The following GRIK2 variants were observed in gnomAD, a reference collection of about 807,000 sequenced individuals.
GRIK2 encodes the protein glutamate receptor ionotropic, kainate 2.
In GRIK2, 32 loss-of-function variants were observed where a neutral mutation model predicts 100.3. The ratio of observed to expected loss-of-function variants is 0.32; its 90% CI spans 0.24 to 0.43. The LOEUF (loss-of-function observed/expected upper bound fraction) is 0.43. Among genes scored for constraint, GRIK2 ranks in the 20% least tolerant of loss-of-function variants. The probability of loss-of-function intolerance (pLI) is 1.00; values close to 1 mark genes in which losing one functional copy is unlikely to be tolerated. For missense variants in GRIK2, 843 were observed against 1,114.9 expected, an observed-to-expected ratio of 0.76 and a Z score of 3.47; for synonymous variants, 417 against 389.4, an observed-to-expected ratio of 1.07 and a Z score of -0.83.
intron 4 of GRIK2, among the ~76,000 whole-genome samples, chr6:101,642,746 T>C (rs1373714765): frequency 6.6e-6 from 1 of 151,742 alleles, no homozygotes; most frequent in East Asian, 1.9e-4. Context: ...CTTTTCAGTA[T>C]ATACCCAGAT....
rs138226691 is a variant in GRIK2, at chr6:101,945,434, C to T, written c.2085+16802C>T. The stretch of plus-strand genomic sequence containing the variant: ...TTCTCCATTCTAACAGAGGGCAATG[C>T]CATCAATGCTGTTGCTCACCTCTCA... On this transcript the variant is annotated intron_variant, in intron 14 of 16. Coordinates refer to ENST00000369134, the MANE Select transcript of GRIK2 (RefSeq NM_021956.5). Among the ~76,000 whole-genome samples the T allele has an allele frequency of 5.3e-5, 8 of 152,218 alleles. No homozygotes were observed. In the East Asian group the frequency reaches 7.7e-4, roughly 15 times the overall value.
At chr6:101,740,830 A>C (rs536194244) in intron 7 of GRIK2, among the ~76,000 whole-genome samples, 1 of 152,254 alleles carries the variant, frequency 6.6e-6, no homozygotes, top group Non-Finnish European at 1.5e-5. Context: ...CTGTTAACTA[A>C]TAGAGCAAGA....
In GRIK2 at chr6:101,519,070, A is replaced by G. The variant is rs936047751; in HGVS notation, c.116-102879A>G. 3.9e-5 allele frequency among the ~76,000 whole-genome samples: 6 copies of G among 152,198 alleles called. No individual in the cohort carries two copies. In the South Asian group the frequency reaches 1.0e-3, roughly 26 times the overall value. Reference sequence around the variant, plus strand: ...CTTCTAGAATTTACTCTTGTTCAAAAGATTTTAATGGCTAAGCCTTGCCTC... The same window carrying G: ...CTTCTAGAATTTACTCTTGTTCAAAGGATTTTAATGGCTAAGCCTTGCCTC... On this transcript the variant is annotated intron_variant, in intron 2 of 16. Coordinates refer to ENST00000369134, the MANE Select transcript of GRIK2 (RefSeq NM_021956.5).
At chr6:102,039,876 T>G (rs1770475524) in intron 15 of GRIK2, among the ~76,000 whole-genome samples, 1 of 151,540 alleles carries the variant, frequency 6.6e-6, no homozygotes, top group Non-Finnish European at 1.5e-5. Flanking sequence ...AATGAGTTAG[T>G]GTCCTCTTTC....
intron 2 of GRIK2, among the ~76,000 whole-genome samples, chr6:101,410,690 A>T (rs2128237869): frequency 1.3e-5 from 2 of 152,250 alleles, no homozygotes; most frequent in African/African-American, 4.8e-5. Context: ...AAATTAAAAA[A>T]TTTTAAACTT....
chr6:101,701,989 A>C (rs999874676), intron 7 of GRIK2, among the ~76,000 whole-genome samples: 1 of 152,074 alleles, frequency 6.6e-6, no homozygotes, highest in Non-Finnish European at 1.5e-5. Flanking sequence ...TGACATCCAC[A>C]GAAGTGAGAA....
At chr6:101,947,277 G>T (rs1179311284) in intron 14 of GRIK2, among the ~76,000 whole-genome samples, 4 of 152,060 alleles carry the variant, frequency 2.6e-5, no homozygotes, top group African/African-American at 9.6e-5. Flanking sequence ...TTTTTAGTGT[G>T]AATTATAGAG....
At chr6:101,797,728 A>G (rs1427814856) in intron 7 of GRIK2, among the ~76,000 whole-genome samples, 2 of 146,880 alleles carry the variant, frequency 1.4e-5, no homozygotes, top group Non-Finnish European at 3.0e-5. Flanking sequence ...TATATTATAT[A>G]TAAAATAATG....
intron 14 of GRIK2, among the ~76,000 whole-genome samples, chr6:101,988,682 A>G (rs1324193009): frequency 1.3e-5 from 2 of 151,912 alleles, no homozygotes; most frequent in Non-Finnish European, 2.9e-5. Flanking sequence ...CTGGCTTGAA[A>G]AAGATTGATC....
intron 2 of GRIK2, among the ~76,000 whole-genome samples, chr6:101,432,464 T>C (rs770536269): frequency 6.6e-6 from 1 of 152,148 alleles, no homozygotes; most frequent in Non-Finnish European, 1.5e-5. Context: ...CCCCAGATAA[T>C]ACCCAATGAC....
intron 4 of GRIK2, among the ~76,000 whole-genome samples, chr6:101,656,750 G>C (rs2128331421): frequency 6.6e-6 from 1 of 152,204 alleles, no homozygotes; most frequent in South Asian, 2.1e-4. Context: ...ACCAAAGAAA[G>C]AAGAAAGAAA....
intron 11 of GRIK2, among the ~76,000 whole-genome samples, chr6:101,868,062 TA>T (rs1015136846): frequency 2.8e-5 from 4 of 140,918 alleles, no homozygotes; most frequent in Non-Finnish European, 6.0e-5. Flanking sequence ...AAATTGACAT[TA>T]TAGAGACCTC....
At chr6:101,606,728 A>G (rs1409050271) in intron 2 of GRIK2, among the ~76,000 whole-genome samples, 1 of 151,964 alleles carries the variant, frequency 6.6e-6, no homozygotes, top group African/African-American at 2.4e-5. Context: ...TTAGCACTTA[A>G]ATATATAAAA....
chr6:101,723,291 C>A (rs1774620693), intron 7 of GRIK2, among the ~76,000 whole-genome samples: 1 of 151,828 alleles, frequency 6.6e-6, no homozygotes, highest in Admixed American at 6.6e-5. Context: ...GTAAAATGTT[C>A]ATATATGGAC....
intron 2 of GRIK2, among the ~76,000 whole-genome samples, chr6:101,621,364 G>C (rs1352859187): frequency 6.6e-6 from 1 of 151,984 alleles, no homozygotes; most frequent in Non-Finnish European, 1.5e-5. Context: ...GAGGTGAGAG[G>C]ATCACCTGAG....
At chr6:101,423,806 C>A (rs543188386) in intron 2 of GRIK2, among the ~76,000 whole-genome samples, 2 of 152,250 alleles carry the variant, frequency 1.3e-5, no homozygotes, top group South Asian at 4.1e-4. Context: ...GATCAGTCAA[C>A]CCAACTTCTG....
rs190837577 is a variant in GRIK2, at chr6:102,005,513, C to A, written c.2086-29828C>A. Among the ~76,000 whole-genome samples the A allele has an allele frequency of 2.2e-4, 33 of 152,058 alleles. No individual in the cohort carries two copies. In the East Asian group the frequency reaches 4.3e-3, roughly 20 times the overall value. On this transcript the variant is annotated intron_variant, in intron 14 of 16. Transcript: ENST00000369134. The stretch of plus-strand genomic sequence containing the variant: ...ATGGTTGACTCAGTCTTATGCATAA[C>A]CCTGAGGGAATAAATCTCTTTATTG...
chr6:102,042,430 AAATGCAAT>A (rs1267533866), intron 15 of GRIK2, among the ~76,000 whole-genome samples: 1 of 151,790 alleles, frequency 6.6e-6, no homozygotes, highest in Non-Finnish European at 1.5e-5. Context: ...AAATAGAGAA[AAATGCAAT>A]ATTGGACATA....
intron 4 of GRIK2, among the ~76,000 whole-genome samples, chr6:101,631,166 T>A (rs1582859340): frequency 6.6e-6 from 1 of 152,140 alleles, no homozygotes; most frequent in Non-Finnish European, 1.5e-5. Flanking sequence ...CCAAAAATGA[T>A]GGAAAAGAAT....
Sources: allele counts gnomAD v4.1 joint callset (sites outside exome capture counted in the v4.1 genomes callset), GRCh38; gene constraint gnomAD v4.1.1; transcripts MANE v1.5; gene names NCBI Gene and HGNC (gene_info 2026-07-23, HGNC 2026-07-21).